The following SLC4A7 variants were observed in gnomAD, a reference collection of about 807,000 sequenced individuals.
The protein encoded by SLC4A7 is sodium bicarbonate cotransporter 3.
SLC4A7 carries 51 observed loss-of-function variants against 137.6 expected under a neutral mutation model. The observed-to-expected ratio is 0.37, with a 90% CI of 0.30 to 0.47. The LOEUF is 0.47. Ranked by LOEUF, SLC4A7 falls within the 20% of genes least tolerant of loss-of-function variation. The probability of loss-of-function intolerance (pLI) is 1.00; values close to 1 mark genes in which losing one functional copy is unlikely to be tolerated. For synonymous variants in SLC4A7, 542 were observed against 518.6 expected, an observed-to-expected ratio of 1.05 and a Z score of -0.61; for missense variants, 1,247 against 1,525.4, an observed-to-expected ratio of 0.82 and a Z score of 3.04.
chr3:27,377,662 G>A (rs1471415798), intron 25 of SLC4A7, among the ~76,000 whole-genome samples: 1 of 152,046 alleles, frequency 6.6e-6, no homozygotes, highest in Non-Finnish European at 1.5e-5. Context: ...CAAAGTGTTG[G>A]GATTACAGGC....
chr3:27,380,436 A>G (rs974762384), intron 24 of SLC4A7, among the ~76,000 whole-genome samples: 1 of 152,166 alleles, frequency 6.6e-6, no homozygotes, highest in Non-Finnish European at 1.5e-5. Context: ...ATAAATAATT[A>G]ATTTGGGGCT....
chr3:27,420,206 G>C (rs567476704), intron 10 of SLC4A7, among the ~76,000 whole-genome samples: 2 of 151,812 alleles, frequency 1.3e-5, no homozygotes, highest in South Asian at 4.2e-4. Flanking sequence ...AGAAAAATTA[G>C]GTCAGGTTCA....
chr3:27,421,014 C>T (rs991972659), intron 9 of SLC4A7, among the ~76,000 whole-genome samples: 1 of 151,910 alleles, frequency 6.6e-6, no homozygotes, highest in African/African-American at 2.4e-5. Context: ...AACCTTCTAC[C>T]AAACTCCTGA....
chr3:27,435,969 T>C (rs570825483), intron 5 of SLC4A7, among the ~76,000 whole-genome samples: 1 of 152,330 alleles, frequency 6.6e-6, no homozygotes, highest in East Asian at 1.9e-4. Context: ...CTGACTTTCC[T>C]GAGATTCCTG....
intron 1 of SLC4A7, among the ~76,000 whole-genome samples, chr3:27,481,128 AT>A (rs1439146472): frequency 6.6e-6 from 1 of 152,226 alleles, no homozygotes; most frequent in Non-Finnish European, 1.5e-5. Flanking sequence ...CATGCTATTT[AT>A]AAAAGGATTT....
chr3:27,453,893 G>A (rs538464545), intron 1 of SLC4A7, among the ~76,000 whole-genome samples: 1 of 152,294 alleles, frequency 6.6e-6, no homozygotes, highest in South Asian at 2.1e-4. Flanking sequence ...ACATGTATAT[G>A]ACTCTGAATG....
chr3:27,441,917 AG>A (rs2057228796), intron 3 of SLC4A7, among the ~76,000 whole-genome samples: 1 of 149,464 alleles, frequency 6.7e-6, no homozygotes, highest in East Asian at 2.0e-4. Context: ...TTTTTTTGAG[AG>A]GGAGTCTCAC....
At chr3:27,396,571 C>T (rs945368126) in intron 18 of SLC4A7, among the ~76,000 whole-genome samples, 83 of 151,984 alleles carry the variant, frequency 5.5e-4, no homozygotes, top group African/African-American at 2.0e-3. Flanking sequence ...CATTTTCCAC[C>T]TGTGTACCCT....
In SLC4A7 at chr3:27,484,341, TAGTAGGA is replaced by T. The variant is rs1559869565; in HGVS notation, c.-222_-216del. On this transcript the variant is annotated 5_prime_UTR_variant, in exon 1 of 26. Coordinates refer to ENST00000454389, the MANE Select transcript of SLC4A7 (RefSeq NM_001321103.2). ...CGCGCTGCGACTGCTGGGCTGGCTT[TAGTAGGA>T]GAGCGAGGCCGCGGCGTGGAACCTG... is the stretch of plus-strand genomic sequence containing the variant. The T allele has an allele frequency of 1.7e-5, 6 of 343,330 alleles. No individual in the cohort carries two copies. The highest frequency in any genetic ancestry group is 2.6e-5 in the Non-Finnish European group (5 of 192,000). 21.3% of individuals were successfully genotyped at this position (343,330 alleles called of 1,614,324 possible).
chr3:27,425,370 T>TAA (rs56153970), intron 7 of SLC4A7, among the ~76,000 whole-genome samples: 18,318 of 56,996 alleles, frequency 0.32, 2,872 homozygotes, highest in African/African-American at 0.37. Context: ...AACTCCGTCC[T>TAA]AAAAAAAAAA....
chr3:27,462,532 C>T (rs753159593), intron 1 of SLC4A7: 1 of 152,274 alleles, frequency 6.6e-6, no homozygotes, highest in Admixed American at 6.5e-5. Flanking sequence ...TTTGACAAAT[C>T]GGAATTATGC....
chr3:27,401,908 G>C (rs1338689401), intron 15 of SLC4A7, among the ~76,000 whole-genome samples: 1 of 152,188 alleles, frequency 6.6e-6, no homozygotes, highest in Non-Finnish European at 1.5e-5. Flanking sequence ...TAAGAGGAAT[G>C]AAGATAGTAT....
At chr3:27,455,592 G>C (rs146136446) in intron 1 of SLC4A7, among the ~76,000 whole-genome samples, 3,998 of 104,880 alleles carry the variant, frequency 0.038, 197 homozygotes, top group African/African-American at 0.13. Context: ...TTTTTTTTTG[G>C]AGACAGAGTC....
At chr3:27,435,844 T>TC (rs531904038) in intron 5 of SLC4A7, among the ~76,000 whole-genome samples, 47 of 150,864 alleles carry the variant, frequency 3.1e-4, no homozygotes, top group Non-Finnish European at 5.9e-4. Context: ...GACCCTGTGA[T>TC]CCCCCCCTTA....
At chr3:27,384,744 C>A (rs901923423) in intron 23 of SLC4A7, among the ~76,000 whole-genome samples, 1 of 152,044 alleles carries the variant, frequency 6.6e-6, no homozygotes, top group Admixed American at 6.5e-5. Context: ...AGGCAGATCA[C>A]CAGAGGTCAG....
At chr3:27,461,230 AC>A (rs1559825973) in intron 1 of SLC4A7, among the ~76,000 whole-genome samples, 1 of 151,744 alleles carries the variant, frequency 6.6e-6, no homozygotes, top group African/African-American at 2.4e-5. Flanking sequence ...ACACACACAC[AC>A]ACACAAAACA....
chr3:27,391,670 A>G, intron 21 of SLC4A7, 70 bp downstream of exon 21: 1 of 906,796 alleles, frequency 1.1e-6, no homozygotes, highest in Non-Finnish European at 1.7e-6. Context: ...CACTACCATC[A>G]TTAAAACAAT....
intron 18 of SLC4A7, among the ~76,000 whole-genome samples, chr3:27,397,421 C>T (rs1412349186): frequency 1.3e-5 from 2 of 151,178 alleles, no homozygotes; most frequent in South Asian, 4.2e-4. Context: ...TTTAATGGCT[C>T]CCTACATCTT....
Position 27,443,024 on chromosome 3 carries a change from C to CTTTTTTTTTTT in SLC4A7, c.290-5499_290-5498insAAAAAAAAAAA, listed in dbSNP as rs1156950293. On this transcript the variant is annotated intron_variant, in intron 3 of 25. Coordinates refer to ENST00000454389, the MANE Select transcript of SLC4A7 (RefSeq NM_001321103.2). ...CACCGCGCTGGGCATTCTCTTTTTT[C>CTTTTTTTTTTT]TTTTTTTCTTTTTTTTTTTTTTTTT... Among the ~76,000 whole-genome samples the CTTTTTTTTTTT allele has an allele frequency of 2.1e-4, 21 of 102,140 alleles. 2 individuals carry two copies. The highest frequency in any genetic ancestry group is 3.4e-4 in the South Asian group (1 of 2,926). 67.0% of individuals were successfully genotyped at this position (102,140 alleles called of 152,430 possible). A position where few individuals can be genotyped will look rare whatever the true frequency, so the allele number is the denominator to read the frequency against.
Sources: gnomAD v4.1 joint callset for allele counts (sites outside exome capture counted in the v4.1 genomes callset) on GRCh38, gnomAD v4.1.1 for gene constraint, MANE v1.5 for transcripts, NCBI Gene and HGNC (gene_info 2026-07-23, HGNC 2026-07-21) for gene names.